The following COL7A1 variants were observed in gnomAD, a reference collection of about 807,000 sequenced individuals.
COL7A1 encodes the protein collagen type VII alpha 1 chain, also known as collagen alpha-1(VII) chain.
COL7A1 carries 296 observed loss-of-function variants against 456.2 expected under a neutral mutation model. The observed-to-expected ratio is 0.65, with a 90% CI of 0.59 to 0.71. The LOEUF is 0.71. COL7A1 is among the 30% of genes least tolerant of loss of function. The pLI, the probability that COL7A1 is intolerant of heterozygous loss-of-function variation, is 0.00. For synonymous variants in COL7A1, 1,464 were observed against 1,525.9 expected, an observed-to-expected ratio of 0.96 and a Z score of 0.95; for missense variants, 3,441 against 4,017.2, an observed-to-expected ratio of 0.86 and a Z score of 3.88.
At position 48,581,375 on chromosome 3, in the gene COL7A1, G is replaced by T. The variant is rs137992011; in HGVS notation, c.4819-35C>A. The stretch of plus-strand genomic sequence containing the variant: ...AGGCAAGAGGGAGGTGATGCAGGAC[G>T]CTCGAAGCAAGCAGTTCTCAAGGGG... On this transcript the variant is annotated intron_variant, in intron 51 of 118. Transcript: ENST00000681320. The surrounding 1 kb of genome is among the most constrained non-coding windows in gnomAD (Gnocchi z 5.8). 6.2e-7 allele frequency: 1 copy of T among 1,613,654 alleles called. No individual in the cohort carries two copies. The highest frequency in any genetic ancestry group is 2.2e-5 in the East Asian group (1 of 44,872).
At chr3:48,584,816 G>A (rs2045111009) in intron 34 of COL7A1, 47 bp from the exon 35 acceptor site, 2 of 1,613,810 alleles carry the variant, frequency 1.2e-6, no homozygotes, top group African/African-American at 2.7e-5. Context: ...TCAGGCGAAT[G>A]TCAACGTGGG....
Position 48,572,834 on chromosome 3 carries a change from C to G in COL7A1, c.6831+28G>C, listed in dbSNP as rs757590932. 1.2e-6 allele frequency: 2 copies of G among 1,613,560 alleles called. No homozygotes were observed. The highest frequency in any genetic ancestry group is 1.7e-6 in the Non-Finnish European group (2 of 1,179,592). ...TCAGGCCCACAGCTGGGCACCACAC[C>G]CTAGCGAGCTGCCCCCAGAACACAT... On this transcript the variant is annotated intron_variant, in intron 87 of 118. Coordinates refer to ENST00000681320, the MANE Select transcript of COL7A1 (RefSeq NM_000094.4). The surrounding 1 kb of genome is among the most constrained non-coding windows in gnomAD (Gnocchi z 4.6).
intron 44 of COL7A1, 107 bp downstream of exon 44, chr3:48,582,906 T>C: frequency 6.6e-7 from 1 of 1,515,730 alleles, no homozygotes; most frequent in Non-Finnish European, 9.2e-7. Context: ...AAGTGGTCAT[T>C]GAGGAGGGGT....
Position 48,594,785 on chromosome 3 carries a change from T to G in COL7A1, c.86-237A>C, listed in dbSNP as rs1400477995. On this transcript the variant is annotated intron_variant, in intron 2 of 118. Transcript: ENST00000681320. The surrounding 1 kb of genome is among the most constrained non-coding windows in gnomAD (Gnocchi z 5.5). ...GGAGGGAGAGTCGCCAGCACGGGTG[T>G]GGACTTGGGACTGAGGTCAGCCTCT... Among the ~76,000 whole-genome samples, 1 of 151,690 alleles carries G rather than the reference T, an allele frequency of 6.6e-6. No individual in the cohort carries two copies. The highest frequency in any genetic ancestry group is 1.5e-5 in the Non-Finnish European group (1 of 67,940).
rs2044074573 is a variant in COL7A1 at position 48,573,479 on chromosome 3, A to T, written c.6618+34T>A. On this transcript the variant is annotated intron_variant, in intron 83 of 118. Transcript: ENST00000681320. The surrounding 1 kb of genome is among the most constrained non-coding windows in gnomAD (Gnocchi z 5.5). ...CCCAGGCATGGACACAGCTTGAAGGAGCCTCCTCCTCCTATCCACACACCT... is the reference window on the plus strand; with the variant it reads ...CCCAGGCATGGACACAGCTTGAAGGTGCCTCCTCCTCCTATCCACACACCT... The T allele has an allele frequency of 6.2e-7, 1 of 1,613,810 alleles. No individual in the cohort carries two copies. Among genetic ancestry groups the T allele is most frequent in the Non-Finnish European group, 8.5e-7 (1 of 1,179,948 alleles).
In COL7A1 at chr3:48,574,642, G is replaced by A. The variant is rs1442012732; in HGVS notation, c.6393+35C>T. 12 of 1,613,828 alleles carry A rather than the reference G, an allele frequency of 7.4e-6. No homozygotes were observed. The highest frequency in any genetic ancestry group is 9.3e-6 in the Non-Finnish European group (11 of 1,180,008). On this transcript the variant is annotated intron_variant, in intron 78 of 118. Transcript: ENST00000681320. The surrounding 1 kb of genome is among the most constrained non-coding windows in gnomAD (Gnocchi z 5.0). ...ACCTCTAGTGTGCCCCCAGAAAGGA[G>A]GGGGACTCTATGGAAGGGTGGAGAG...
At position 48,591,853 on chromosome 3, in the gene COL7A1, G is replaced by A. The variant is rs1459842046; in HGVS notation, c.1358-31C>T. On this transcript the variant is annotated intron_variant, in intron 11 of 118. Transcript: ENST00000681320. The surrounding 1 kb of genome is among the most constrained non-coding windows in gnomAD (Gnocchi z 7.0). Reference sequence around the variant, plus strand: ...AGATAACAGGGTCAGACCAGCAGAGGCCATGCCCTGACCCTTGCCTGTCCA... The same window carrying A: ...AGATAACAGGGTCAGACCAGCAGAGACCATGCCCTGACCCTTGCCTGTCCA... The A allele has an allele frequency of 6.2e-7, 1 of 1,614,060 alleles. No homozygotes were observed. Among genetic ancestry groups the A allele is most frequent in the Non-Finnish European group, 8.5e-7 (1 of 1,180,026 alleles).
At position 48,572,390 on chromosome 3, in the gene COL7A1, A is replaced by G; in HGVS notation, c.6968T>C (p.Val2323Ala). Reference sequence around the variant, plus strand: ...AAGTTCCCTACTTACCGGCTCACCCACCAGGTCTCCAGCAAGGCCTCCAGG... The same window carrying G: ...AAGTTCCCTACTTACCGGCTCACCCGCCAGGTCTCCAGCAAGGCCTCCAGG... Reference protein sequence around the residue: ...GAPGGLAGDLVGEPGAKGDRG... With the variant: ...GAPGGLAGDLAGEPGAKGDRG... The change falls in exon 90 of 119, where the codon GTG becomes GCG. Residue 2323 changes from valine (V) to alanine (A), a missense_variant. This residue lies in a region of COL7A1 where 2,084 missense variants were observed against 2,501.3 expected (regional missense o/e 0.83). Coordinates refer to ENST00000681320, the MANE Select transcript of COL7A1 (RefSeq NM_000094.4). The surrounding 1 kb of genome is among the most constrained non-coding windows in gnomAD (Gnocchi z 4.6). 6.2e-7 allele frequency: 1 copy of G among 1,614,120 alleles called. No homozygotes were observed.
At position 48,579,819 on chromosome 3, in the gene COL7A1, G is replaced by A. The variant is rs371686183; in HGVS notation, c.5125-5C>T. On this transcript the variant is annotated splice_polypyrimidine_tract_variant and splice_region_variant and intron_variant, in intron 57 of 118. Transcript: ENST00000681320. This position sits in a 1 kb window ranked among gnomAD's most constrained non-coding sequence, Gnocchi z 4.4. ...GGCTCCAGGTCCTGTGTCTACCTGT[G>A]GGGGGAATGACCAGTGAGAAGAATG... 6.2e-7 allele frequency: 1 copy of A among 1,614,024 alleles called. No homozygotes were observed. The highest frequency in any genetic ancestry group is 8.5e-7 in the Non-Finnish European group (1 of 1,180,010).
Position 48,581,533 on chromosome 3 carries a change from A to G in COL7A1, c.4782+40T>C. On this transcript the variant is annotated intron_variant, in intron 50 of 118. Transcript: ENST00000681320. The surrounding 1 kb of genome is among the most constrained non-coding windows in gnomAD (Gnocchi z 5.8). Reference sequence around the variant, plus strand: ...GACTTAGTCAGGGTCCCACCACCTCATCTCCCTCTGTCACACTCCCCATTC... The same window carrying G: ...GACTTAGTCAGGGTCCCACCACCTCGTCTCCCTCTGTCACACTCCCCATTC... 1 of 1,613,866 alleles carries G rather than the reference A, an allele frequency of 6.2e-7. No homozygotes were observed. Among genetic ancestry groups the G allele is most frequent in the Non-Finnish European group, 8.5e-7 (1 of 1,179,956 alleles).
chr3:48,568,069 C>A lies in COL7A1; in HGVS notation c.7875+21G>T, dbSNP rs751729260. ...TTAGGCCTTCCTGACCAGAAAAAAA[C>A]CAATCTTGTTTCTTTCCTACCTTGA... On this transcript the variant is annotated intron_variant, in intron 106 of 118. Coordinates refer to ENST00000681320, the MANE Select transcript of COL7A1 (RefSeq NM_000094.4). This position sits in a 1 kb window ranked among gnomAD's most constrained non-coding sequence, Gnocchi z 5.2. 69 of 1,613,982 alleles carry A rather than the reference C, an allele frequency of 4.3e-5. No homozygotes were observed. The highest frequency in any genetic ancestry group is 1.6e-4 in the Middle Eastern group (1 of 6,084).
At position 48,573,567 on chromosome 3, in the gene COL7A1, A is replaced by G; in HGVS notation, c.6574-10T>C. On this transcript the variant is annotated splice_polypyrimidine_tract_variant and intron_variant, in intron 82 of 118. Coordinates refer to ENST00000681320, the MANE Select transcript of COL7A1 (RefSeq NM_000094.4). This position sits in a 1 kb window ranked among gnomAD's most constrained non-coding sequence, Gnocchi z 5.5. ...CAGGGCCAGCAAGACCCTAGAGAAA[A>G]GGGTCAAGGGCAGGGAACAGGGCTC... The G allele has an allele frequency of 6.2e-7, 1 of 1,614,092 alleles. No individual in the cohort carries two copies. The highest frequency in any genetic ancestry group is 8.5e-7 in the Non-Finnish European group (1 of 1,180,008).
Position 48,571,706 on chromosome 3 carries a change from A to G in COL7A1, c.7068+295T>C. The G allele has an allele frequency of 3.1e-6, 2 of 643,482 alleles. No homozygotes were observed. The highest frequency in any genetic ancestry group is 2.2e-5 in the Admixed American group (1 of 46,416). 39.9% of individuals were successfully genotyped at this position (643,482 alleles called of 1,614,324 possible). ...ACACAGGACCAAGGAGAGGTTCACA[A>G]GAACTCAGGTGTGTCCTGGGATCTG... On this transcript the variant is annotated intron_variant, in intron 92 of 118. Transcript: ENST00000681320. This position sits in a 1 kb window ranked among gnomAD's most constrained non-coding sequence, Gnocchi z 4.6.
At position 48,580,753 on chromosome 3, in the gene COL7A1, C is replaced by T. The variant is rs2044694260; in HGVS notation, c.4981-101G>A. 6.4e-7 allele frequency: 1 copy of T among 1,567,860 alleles called. No individual in the cohort carries two copies. ...AGGTTCCCCATTACTCCAAAATCCA[C>T]ATCAGAGGTTCCCATCACCCCATGC... On this transcript the variant is annotated intron_variant, in intron 54 of 118. Transcript: ENST00000681320. This position sits in a 1 kb window ranked among gnomAD's most constrained non-coding sequence, Gnocchi z 4.5.
Position 48,593,327 on chromosome 3 carries a change from C to T in COL7A1, c.520+29G>A. On this transcript the variant is annotated intron_variant, in intron 5 of 118. Transcript: ENST00000681320. The surrounding 1 kb of genome is among the most constrained non-coding windows in gnomAD (Gnocchi z 4.4). ...CTCTCTGACTGCCCCCACCCCCCAG[C>T]TGACCTGTCACTCCTGCTCGGTCCT... is the stretch of plus-strand genomic sequence containing the variant. 1 of 1,614,046 alleles carries T rather than the reference C, an allele frequency of 6.2e-7. No individual in the cohort carries two copies. The highest frequency in any genetic ancestry group is 8.5e-7 in the Non-Finnish European group (1 of 1,179,986).
chr3:48,573,903 G>C lies in COL7A1; in HGVS notation c.6502-13C>G. ...GACCCTGCAGACCCTACATAGAGAGGGCACTGATGAGCCTCAATCTGGGCC... is the reference window on the plus strand; with the variant it reads ...GACCCTGCAGACCCTACATAGAGAGCGCACTGATGAGCCTCAATCTGGGCC... On this transcript the variant is annotated splice_polypyrimidine_tract_variant and intron_variant, in intron 80 of 118. Transcript: ENST00000681320. The surrounding 1 kb of genome is among the most constrained non-coding windows in gnomAD (Gnocchi z 5.5). 6.8e-6 allele frequency: 11 copies of C among 1,612,972 alleles called. No homozygotes were observed. Among genetic ancestry groups the C allele is most frequent in the Non-Finnish European group, 9.3e-6 (11 of 1,179,896 alleles).
At chr3:48,589,837 A>C in intron 16 of COL7A1, 119 bp from the exon 17 acceptor site, 1 of 1,433,426 alleles carries the variant, frequency 7.0e-7, no homozygotes, top group Non-Finnish European at 9.7e-7. Context: ...GAGATGGTGA[A>C]TAGGTCCAGT....
chr3:48,582,773 C>T, intron 44 of COL7A1, 120 bp from the exon 45 acceptor site: 1 of 1,224,392 alleles, frequency 8.2e-7, no homozygotes, highest in Non-Finnish European at 1.2e-6. Context: ...TTTAGGTTGG[C>T]AGGGGTAAGA....
chr3:48,575,799 A>G lies in COL7A1; in HGVS notation c.5857-51T>C. ...AGCGGGGTGCGTCGCCGCAGCCCCT[A>G]TGCCTGTGGGCACCACTAGCCCCAA... On this transcript the variant is annotated intron_variant, in intron 72 of 118. Coordinates refer to ENST00000681320, the MANE Select transcript of COL7A1 (RefSeq NM_000094.4). The surrounding 1 kb of genome is among the most constrained non-coding windows in gnomAD (Gnocchi z 6.3). 6.2e-7 allele frequency: 1 copy of G among 1,613,956 alleles called. No homozygotes were observed. The highest frequency in any genetic ancestry group is 8.5e-7 in the Non-Finnish European group (1 of 1,179,990).
Sources: allele counts gnomAD v4.1 joint callset (sites outside exome capture counted in the v4.1 genomes callset), GRCh38; gene constraint gnomAD v4.1.1; regional missense constraint gnomAD v4.1.1; non-coding constraint Gnocchi (gnomAD v3.1); transcripts MANE v1.5; gene names NCBI Gene and HGNC (gene_info 2026-07-23, HGNC 2026-07-21).